The following GFPT2 variants were observed in gnomAD, a reference collection of about 807,000 sequenced individuals.
GFPT2 encodes the protein glutamine--fructose-6-phosphate transaminase 2, also known as glutamine--fructose-6-phosphate aminotransferase [isomerizing] 2.
A neutral mutation model predicts 85.6 loss-of-function variants in GFPT2; 62 were observed. That is an observed-to-expected ratio of 0.72 (90% confidence interval 0.59 to 0.90). GFPT2 has a LOEUF of 0.90. GFPT2 is among the 40% of genes least tolerant of loss of function. The pLI, the probability that GFPT2 is intolerant of heterozygous loss-of-function variation, is 0.00. For synonymous variants in GFPT2, 368 were observed against 344.5 expected (o/e 1.07, Z -0.75); for missense variants, 788 against 893.4 (o/e 0.88, Z 1.50).
rs749162019 is a variant in GFPT2, at chr5:180,316,460, G to A, written c.1154C>T (p.Thr385Met). ...AGTCAGTTCCTCCAAAACTTGCCGCGTCTGAAGCCAACAAGCAAGCATGGA... is the reference window on the plus strand; with the variant it reads ...AGTCAGTTCCTCCAAAACTTGCCGCATCTGAAGCCAACAAGCAAGCATGGA... ...CGTSYHAAVA[T>M]RQVLEELTEL... is the part of the protein sequence containing the mutation. Residue 385 changes from threonine (T) to methionine (M), a missense_variant and splice_region_variant, in exon 13 of 19, where the codon ACG becomes ATG. Transcript: ENST00000253778. 22 of 1,613,934 alleles carry A rather than the reference G, an allele frequency of 1.4e-5. No individual in the cohort carries two copies. Among genetic ancestry groups the A allele is most frequent in the South Asian group, 4.4e-5 (4 of 91,082 alleles).
At position 180,312,451 on chromosome 5, in the gene GFPT2, G is replaced by C; in HGVS notation, c.1525C>G (p.Arg509Gly). The change falls in exon 15 of 19, where the codon CGT (arginine) becomes GGT (glycine). Residue 509 changes from arginine to glycine, a missense_variant. Transcript: ENST00000253778. ...SLQNRRQEII[R>G]GLRSLPELIK... The stretch of plus-strand genomic sequence containing the variant: ...ATACCAGGTAAAGATCTCAAGCCAC[G>C]GATGATCTCTTGCCTCCTGTTTTGT... The C allele has an allele frequency of 6.3e-7, 1 of 1,595,818 alleles. No individual in the cohort carries two copies. Among genetic ancestry groups the C allele is most frequent in the Non-Finnish European group, 8.6e-7 (1 of 1,163,234 alleles).
At position 180,302,476 on chromosome 5, in the gene GFPT2, C is replaced by T. The variant is rs376145345; in HGVS notation, c.1951G>A (p.Val651Met). Residue 651 changes from valine to methionine, a missense_variant, in exon 18 of 19, where the codon GTG becomes ATG. By Grantham distance (21) the Val-to-Met change is conservative. Transcript: ENST00000253778. ...AAGGACAGCAGCTGCAGCGGAATCACGCTCAGGATGCCCTGGAGGCAGTCC... is the reference window on the plus strand; with the variant it reads ...AAGGACAGCAGCTGCAGCGGAATCATGCTCAGGATGCCCTGGAGGCAGTCC... ...TVDCLQGILS[V>M]IPLQLLSFHL... 1.0e-4 allele frequency: 168 copies of T among 1,614,150 alleles called. No homozygotes were observed. The highest frequency in any genetic ancestry group is 1.6e-4 in the East Asian group (7 of 44,884).
In GFPT2 at chr5:180,307,315, A is replaced by C; in HGVS notation, c.1547-12T>G. 1 of 1,613,574 alleles carries C rather than the reference A, an allele frequency of 6.2e-7. No individual in the cohort carries two copies. Among genetic ancestry groups the C allele is most frequent in the Non-Finnish European group, 8.5e-7 (1 of 1,179,526 alleles). ...TTCCTTGATCAGCTCTGGGCCATGCACGGAGCAGAGGGAGAAAACCAGTCA... is the reference window on the plus strand; with the variant it reads ...TTCCTTGATCAGCTCTGGGCCATGCCCGGAGCAGAGGGAGAAAACCAGTCA... On this transcript the variant is annotated splice_polypyrimidine_tract_variant and intron_variant, in intron 15 of 18. Coordinates refer to ENST00000253778, the MANE Select transcript of GFPT2 (RefSeq NM_005110.4).
chr5:180,348,651 G>A (rs1298167822), intron 1 of GFPT2, among the ~76,000 whole-genome samples: 3 of 152,152 alleles, frequency 2.0e-5, no homozygotes, highest in South Asian at 4.1e-4. Context: ...GGGACCCCAG[G>A]AGTTAAAGTG....
In GFPT2 at chr5:180,316,948, G is replaced by C. The variant is rs76838125; in HGVS notation, c.1054+15C>G. 1 of 1,570,024 alleles carries C rather than the reference G, an allele frequency of 6.4e-7. No individual in the cohort carries two copies. ...TAGGCTCGGGCGGAGGCTCCCCACC[G>C]AGTGTAGGAATTACCTGTGTTGGTT... On this transcript the variant is annotated intron_variant, in intron 11 of 18. Transcript: ENST00000253778.
In GFPT2 at chr5:180,328,873, A is replaced by G. The variant is rs73349695; in HGVS notation, c.535-535T>C. Among the ~76,000 whole-genome samples the G allele has an allele frequency of 0.07, 10,634 of 152,232 alleles. 737 individuals are homozygous for G. Among genetic ancestry groups the G allele is most frequent in the African/African-American group, 0.17 (7,142 of 41,516 alleles). On this transcript the variant is annotated intron_variant, in intron 6 of 18. Transcript: ENST00000253778. This position sits in a 1 kb window ranked among gnomAD's most constrained non-coding sequence, Gnocchi z 5.4. ...GGGCTTCCGTGACGATGATAAGCTA[A>G]TGCACTGAGCCTGGCATCCGGAGAC...
At chr5:180,324,973 G>C in intron 7 of GFPT2, 78 bp from the exon 8 acceptor site, 1 of 904,512 alleles carries the variant, frequency 1.1e-6, no homozygotes, top group Non-Finnish European at 1.8e-6. Context: ...ATCTGAGGTA[G>C]GATCCCCAAA....
intron 16 of GFPT2, among the ~76,000 whole-genome samples, chr5:180,306,957 G>A (rs1314727047): frequency 6.6e-6 from 1 of 152,224 alleles, no homozygotes; most frequent in East Asian, 1.9e-4. Flanking sequence ...AGTAGATTGG[G>A]AGATCCCTGG....
intron 4 of GFPT2, among the ~76,000 whole-genome samples, chr5:180,335,270 T>TGGGCTTC (rs1310786162): frequency 6.6e-6 from 1 of 152,228 alleles, no homozygotes; most frequent in Non-Finnish European, 1.5e-5. Flanking sequence ...GAAGAGCCCC[T>TGGGCTTC]GGGCTTCGGG....
chr5:180,337,453 G>GAA (rs35211599), intron 2 of GFPT2, among the ~76,000 whole-genome samples: 1,639 of 99,392 alleles, frequency 0.016, 43 homozygotes, highest in African/African-American at 0.057. Context: ...ACTCCATCTC[G>GAA]AAAAAAAAAA....
At chr5:180,332,199 T>G (rs1764314606) in intron 4 of GFPT2, among the ~76,000 whole-genome samples, 3 of 141,328 alleles carry the variant, frequency 2.1e-5, no homozygotes, top group African/African-American at 7.6e-5. Flanking sequence ...GGCGGCTTCC[T>G]GCACAGGTAG....
intron 7 of GFPT2, among the ~76,000 whole-genome samples, chr5:180,327,660 A>G (rs1032345064): frequency 1.6e-4 from 24 of 152,198 alleles, no homozygotes; most frequent in African/African-American, 5.8e-4. Flanking sequence ...TGCACAGTAA[A>G]TATTAGTTGC....
intron 9 of GFPT2, 43 bp downstream of exon 9, chr5:180,324,145 G>T: frequency 9.3e-7 from 1 of 1,071,278 alleles, no homozygotes; most frequent in South Asian, 1.3e-5. Flanking sequence ...GGCATTCTTT[G>T]ATTATGTAAT....
intron 2 of GFPT2, among the ~76,000 whole-genome samples, 199 bp downstream of exon 2, chr5:180,338,294 G>T (rs888611175): frequency 6.6e-6 from 1 of 152,002 alleles, no homozygotes; most frequent in African/African-American, 2.4e-5. Flanking sequence ...GTTTTCTGGG[G>T]TTTTTTACCC....
At chr5:180,352,947 C>T (rs147903060) in intron 1 of GFPT2, 11 of 424,862 alleles carry the variant, frequency 2.6e-5, no homozygotes, top group Non-Finnish European at 4.1e-5. Context: ...CCGTGGGGAC[C>T]GGGCCTCGGT....
chr5:180,337,586 C>T (rs60358743), intron 2 of GFPT2, among the ~76,000 whole-genome samples: 69 of 152,142 alleles, frequency 4.5e-4, no homozygotes, highest in African/African-American at 1.5e-3. Context: ...ACACCTCCAC[C>T]ACAGACCACC....
rs544920541 is a variant in GFPT2, at chr5:180,309,414, G to C, written c.1547-2111C>G. Reference sequence around the variant, plus strand: ...GACAAGCATCACACTTCAGTGTAGAGCAGAAAGGCTTTTTCTCTTTTTCCA... The same window carrying C: ...GACAAGCATCACACTTCAGTGTAGACCAGAAAGGCTTTTTCTCTTTTTCCA... On this transcript the variant is annotated intron_variant, in intron 15 of 18. Transcript: ENST00000253778. Among the ~76,000 whole-genome samples, 65 of 151,934 alleles carry C rather than the reference G, an allele frequency of 4.3e-4. 2 individuals carry two copies. Among genetic ancestry groups the C allele is most frequent in the African/African-American group, 1.5e-3 (63 of 41,416 alleles).
chr5:180,336,099 G>A, intron 3 of GFPT2, 146 bp from the exon 4 acceptor site: 2 of 674,394 alleles, frequency 3.0e-6, no homozygotes, highest in South Asian at 4.1e-5. Flanking sequence ...GTCCGCGCAG[G>A]CCCACAAACC....
Position 180,302,488 on chromosome 5 carries a change from C to T in GFPT2, c.1939G>A (p.Gly647Ser), listed in dbSNP as rs1188172744. The change falls in exon 18 of 19, where the codon GGC (glycine) becomes AGC (serine). Residue 647 changes from glycine (G) to serine (S), a missense_variant. Gly to Ser is a moderately conservative substitution (Grantham distance 56). Transcript: ENST00000253778. ...ELPHTVDCLQ[G>S]ILSVIPLQLL... is the part of the protein sequence containing the mutation. ...TGCAGCGGAATCACGCTCAGGATGCCCTGGAGGCAGTCCACAGTGTGGGGC... is the reference window on the plus strand; with the variant it reads ...TGCAGCGGAATCACGCTCAGGATGCTCTGGAGGCAGTCCACAGTGTGGGGC... 1 of 1,613,974 alleles carries T rather than the reference C, an allele frequency of 6.2e-7. No individual in the cohort carries two copies. The highest frequency in any genetic ancestry group is 1.1e-5 in the South Asian group (1 of 91,074).
Sources: allele counts gnomAD v4.1 joint callset (sites outside exome capture counted in the v4.1 genomes callset), GRCh38; gene constraint gnomAD v4.1.1; non-coding constraint Gnocchi (gnomAD v3.1); transcripts MANE v1.5; gene names NCBI Gene and HGNC (gene_info 2026-07-23, HGNC 2026-07-21).